Variants in C6orf89 observed in about 807,000 individuals in gnomAD.
C6orf89 encodes bombesin receptor-activated protein C6orf89.
In C6orf89, 29 loss-of-function variants were observed where a neutral mutation model predicts 40.7. The ratio of observed to expected loss-of-function variants is 0.71; its 90% CI spans 0.53 to 0.97. The LOEUF (loss-of-function observed/expected upper bound fraction) is 0.97, where lower values mean the gene tolerates loss of function less well. Among genes scored for constraint, C6orf89 ranks in the 50% least tolerant of loss-of-function variants. The probability of loss-of-function intolerance (pLI) is 0.00; values close to 1 mark genes in which losing one functional copy is unlikely to be tolerated. For missense variants in C6orf89, 392 were observed against 429.1 expected (o/e 0.91, Z 0.76); for synonymous variants, 165 against 152.2 (o/e 1.08, Z -0.62).
chr6:36,916,417 A>G (rs750124003), intron 6 of C6orf89, 28 bp from the exon 7 acceptor site: 33 of 1,612,710 alleles, frequency 2.0e-5, no homozygotes, highest in Non-Finnish European at 1.8e-5. Flanking sequence ...CAGTTTAATT[A>G]CTTTTTTTCT....
chr6:36,894,163 C>T (rs1300087662), intron 1 of C6orf89, among the ~76,000 whole-genome samples: 1 of 152,092 alleles, frequency 6.6e-6, no homozygotes, highest in South Asian at 2.1e-4. Flanking sequence ...ATTCTCCTAC[C>T]GGCACACCGT....
At chr6:36,888,804 G>T (rs1361845465) in intron 1 of C6orf89, among the ~76,000 whole-genome samples, 1 of 152,148 alleles carries the variant, frequency 6.6e-6, no homozygotes, top group Non-Finnish European at 1.5e-5. Flanking sequence ...TATATAGGAG[G>T]CTGAATCAAG....
chr6:36,916,457 G>T lies in C6orf89; in HGVS notation c.708G>T (p.Leu236=). 1 of 1,614,128 alleles carries T rather than the reference G, an allele frequency of 6.2e-7. No homozygotes were observed. Among genetic ancestry groups the T allele is most frequent in the South Asian group, 1.1e-5 (1 of 91,056 alleles). ...CATACTTCTACAGGAGGAGACCTCT[G>T]AACAGATCACAAATGTTACGTGAGC... ...FPFPYPWRRP[L]NRSQMLRELF... Residue 236 remains leucine, a synonymous_variant, in exon 7 of 9, where the codon CTG becomes CTT. Coordinates refer to ENST00000480824, the MANE Select transcript of C6orf89 (RefSeq NM_001286635.2).
intron 8 of C6orf89, among the ~76,000 whole-genome samples, chr6:36,922,344 AAAAAAAAGAAAG>A (rs537184361): frequency 0.022 from 3,335 of 152,186 alleles, 101 homozygotes; most frequent in African/African-American, 0.074. Context: ...CCGTCTCAAA[AAAAAAAAGAAAG>A]AAAAAAAGAA....
chr6:36,902,573 T>A, intron 4 of C6orf89, 139 bp downstream of exon 4: 2 of 730,720 alleles, frequency 2.7e-6, no homozygotes, highest in Non-Finnish European at 4.4e-6. Context: ...ACTAAAACTC[T>A]ATGAGATGGG....
At chr6:36,899,688 T>G (rs1363417318) in intron 3 of C6orf89, 55 bp downstream of exon 3, 1 of 1,535,710 alleles carries the variant, frequency 6.5e-7, no homozygotes, top group East Asian at 2.3e-5. Context: ...CTGTTCAACA[T>G]TCTTCACAAA....
upstream of C6orf89, chr6:36,883,215 A>G (rs1021549039): frequency 2.6e-5 from 4 of 152,214 alleles, no homozygotes; most frequent in Admixed American, 6.5e-5. Context: ...GTCTGAGAAC[A>G]CCAGAGAAAG....
chr6:36,920,099 G>A (rs1762462901), intron 8 of C6orf89, among the ~76,000 whole-genome samples: 1 of 152,208 alleles, frequency 6.6e-6, no homozygotes, highest in African/African-American at 2.4e-5. Context: ...ACACAGTCAA[G>A]CCAGGAGAGG....
chr6:36,891,988 G>A (rs550502485), intron 1 of C6orf89, among the ~76,000 whole-genome samples: 1 of 152,334 alleles, frequency 6.6e-6, no homozygotes, highest in East Asian at 1.9e-4. Context: ...GGGCAAAAGA[G>A]AAGTTTACAT....
At chr6:36,902,582 G>A in intron 4 of C6orf89, 148 bp downstream of exon 4, 1 of 706,166 alleles carries the variant, frequency 1.4e-6, no homozygotes, top group East Asian at 2.7e-5. Flanking sequence ...CTATGAGATG[G>A]GGTTTATTAT....
At chr6:36,914,053 C>G (rs1415290281) in intron 4 of C6orf89, among the ~76,000 whole-genome samples, 1 of 152,092 alleles carries the variant, frequency 6.6e-6, no homozygotes. Context: ...TCCAGCTCCT[C>G]GGAAGGCTGT....
chr6:36,896,273 A>C (rs1761428067), intron 2 of C6orf89, among the ~76,000 whole-genome samples: 1 of 151,986 alleles, frequency 6.6e-6, no homozygotes, highest in Non-Finnish European at 1.5e-5. Flanking sequence ...ACACCCGGCT[A>C]ATTTTTGTAT....
intron 1 of C6orf89, among the ~76,000 whole-genome samples, chr6:36,889,144 G>A (rs831381): frequency 0.021 from 3,204 of 152,204 alleles, 111 homozygotes; most frequent in African/African-American, 0.071. Context: ...AGCAGAGAAC[G>A]AGAGAATTAT....
intron 3 of C6orf89, 87 bp from the exon 4 acceptor site, chr6:36,902,134 A>G: frequency 9.1e-7 from 1 of 1,104,902 alleles, no homozygotes; most frequent in East Asian, 2.4e-5. Flanking sequence ...TGGAAGTAGC[A>G]GAAGAAGCCT....
Position 36,923,514 on chromosome 6 carries a change from A to G in C6orf89, c.*73A>G. On this transcript the variant is annotated 3_prime_UTR_variant, in exon 9 of 9. Transcript: ENST00000480824. ...TGAAAGGGGAAAAATAAAAACAAAA[A>G]CGATGAAACTGCTTTCTGGGGGTTG... 8.6e-7 allele frequency: 1 copy of G among 1,161,498 alleles called. No individual in the cohort carries two copies. Among genetic ancestry groups the G allele is most frequent in the Non-Finnish European group, 1.3e-6 (1 of 778,814 alleles). The allele number at this position is 1,161,498 out of a possible 1,614,324, so 71.9% of individuals were successfully genotyped here.
intron 8 of C6orf89, among the ~76,000 whole-genome samples, chr6:36,921,494 T>C (rs1762508583): frequency 6.6e-6 from 1 of 152,042 alleles, no homozygotes; most frequent in South Asian, 2.1e-4. Context: ...GAAAACCTTT[T>C]GGGGGTCAGG....
At chr6:36,886,211 C>T (rs1774981289) in intron 1 of C6orf89, among the ~76,000 whole-genome samples, 183 bp downstream of exon 1, 3 of 152,222 alleles carry the variant, frequency 2.0e-5, no homozygotes, top group African/African-American at 7.2e-5. Flanking sequence ...GCAGCTCCCC[C>T]GGGGTCGACT....
chr6:36,906,124 T>A (rs528824537), intron 4 of C6orf89, among the ~76,000 whole-genome samples: 2 of 152,364 alleles, frequency 1.3e-5, no homozygotes, highest in East Asian at 3.9e-4. Flanking sequence ...ACTCGATGCA[T>A]CCCGTAACCT....
chr6:36,923,552 C>T lies in C6orf89; in HGVS notation c.*111C>T. 1.2e-6 allele frequency: 1 copy of T among 829,474 alleles called. No individual in the cohort carries two copies. Among genetic ancestry groups the T allele is most frequent in the African/African-American group, 1.7e-5 (1 of 59,218 alleles). 51.4% of individuals were successfully genotyped at this position (829,474 alleles called of 1,614,324 possible). A position where few individuals can be genotyped will look rare whatever the true frequency, so the allele number is the denominator to read the frequency against. Reference sequence around the variant, plus strand: ...TTTCTGGGGGTTGGTTACTTAGTTACCTGCCCTTTGCATGCATGTGTGAAC... The same window carrying T: ...TTTCTGGGGGTTGGTTACTTAGTTATCTGCCCTTTGCATGCATGTGTGAAC... On this transcript the variant is annotated 3_prime_UTR_variant, in exon 9 of 9. Transcript: ENST00000480824.
Sources: gnomAD v4.1 joint callset for allele counts (sites outside exome capture counted in the v4.1 genomes callset) on GRCh38, gnomAD v4.1.1 for gene constraint, MANE v1.5 for transcripts, NCBI Gene and HGNC (gene_info 2026-07-23, HGNC 2026-07-21) for gene names.